Variants in MTG1 observed in about 807,000 individuals in gnomAD.
MTG1 encodes the protein mitochondrial ribosome associated GTPase 1, also known as mitochondrial ribosome-associated GTPase 1.
MTG1 carries 30 observed loss-of-function variants against 39.5 expected under a neutral mutation model. That is an observed-to-expected ratio of 0.76 (90% confidence interval 0.57 to 1.03). MTG1 has a LOEUF of 1.03. MTG1 is among the 50% of genes least tolerant of loss of function. The pLI, the probability that MTG1 is intolerant of heterozygous loss-of-function variation, is 0.00. For missense variants in MTG1, 513 were observed against 447.4 expected, an observed-to-expected ratio of 1.15 and a Z score of -1.32; for synonymous variants, 217 against 179.0, an observed-to-expected ratio of 1.21 and a Z score of -1.69.
At position 133,420,249 on chromosome 10, in the gene MTG1, G is replaced by C. The variant is rs1054308460; in HGVS notation, c.*84G>C. On this transcript the variant is annotated 3_prime_UTR_variant, in exon 11 of 11. Coordinates refer to ENST00000317502, the MANE Select transcript of MTG1 (RefSeq NM_138384.4). ...GGTTGAGGCTCAAGACAGCTCACCCGGTCCAGAAGCTCCATGCTGGTCACT... is the reference window on the plus strand; with the variant it reads ...GGTTGAGGCTCAAGACAGCTCACCCCGTCCAGAAGCTCCATGCTGGTCACT... 7.0e-5 allele frequency: 103 copies of C among 1,466,126 alleles called. No individual in the cohort carries two copies. Among genetic ancestry groups the C allele is most frequent in the Non-Finnish European group, 8.9e-5 (98 of 1,100,036 alleles). 90.8% of individuals were successfully genotyped at this position (1,466,126 alleles called of 1,614,324 possible).
At chr10:133,398,713 C>T (rs1380772373) in intron 4 of MTG1, among the ~76,000 whole-genome samples, 198 bp downstream of exon 4, 3 of 152,176 alleles carry the variant, frequency 2.0e-5, no homozygotes, top group East Asian at 1.9e-4. Context: ...AGGCTGTAGA[C>T]GCATTCCAGG....
chr10:133,402,057 T>G lies in MTG1; in HGVS notation c.574-92T>G. ...GGTCCCTGAGGCCTTCCTCGGAGCA[T>G]TGGGTGCCAGGGGCTGCCCAGGCTT... On this transcript the variant is annotated intron_variant, in intron 7 of 10. Transcript: ENST00000317502. The surrounding 1 kb of genome is among the most constrained non-coding windows in gnomAD (Gnocchi z 4.7). 1 of 1,500,498 alleles carries G rather than the reference T, an allele frequency of 6.7e-7. No individual in the cohort carries two copies. The highest frequency in any genetic ancestry group is 9.2e-7 in the Non-Finnish European group (1 of 1,084,860). 92.9% of individuals were successfully genotyped at this position (1,500,498 alleles called of 1,614,324 possible). A position where few individuals can be genotyped will look rare whatever the true frequency, so the allele number is the denominator to read the frequency against.
At chr10:133,415,645 C>T (rs933079898) in intron 9 of MTG1, among the ~76,000 whole-genome samples, 10 of 152,240 alleles carry the variant, frequency 6.6e-5, no homozygotes, top group Non-Finnish European at 1.0e-4. Context: ...TTTTCTCTCT[C>T]AGTGCTTTTG....
At position 133,413,314 on chromosome 10, in the gene MTG1, A is replaced by G. The variant is rs540061667; in HGVS notation, c.753-6166A>G. On this transcript the variant is annotated intron_variant, in intron 9 of 10. Coordinates refer to ENST00000317502, the MANE Select transcript of MTG1 (RefSeq NM_138384.4). ...TTTTTAGTAGAGATGGGGTTTCACC[A>G]TGTTGGCCAGGCTGGTCTTGAACTC... Among the ~76,000 whole-genome samples, 323 of 152,248 alleles carry G rather than the reference A, an allele frequency of 2.1e-3. 3 individuals carry two copies. The highest frequency in any genetic ancestry group is 3.9e-3 in the South Asian group (19 of 4,826).
chr10:133,400,519 C>G (rs1021666375), intron 6 of MTG1, among the ~76,000 whole-genome samples: 1 of 152,194 alleles, frequency 6.6e-6, no homozygotes, highest in Non-Finnish European at 1.5e-5. Context: ...ATTAACAAAC[C>G]CATTCATGAT....
At chr10:133,419,214 C>A (rs1430029340) in intron 9 of MTG1, among the ~76,000 whole-genome samples, 1 of 152,214 alleles carries the variant, frequency 6.6e-6, no homozygotes, top group Non-Finnish European at 1.5e-5. Flanking sequence ...GGCAAGGGCT[C>A]CGGTGGTGGG....
At position 133,399,186 on chromosome 10, in the gene MTG1, C is replaced by T. The variant is rs1279762334; in HGVS notation, c.380C>T (p.Thr127Ile). 6.2e-7 allele frequency: 1 copy of T among 1,614,022 alleles called. No individual in the cohort carries two copies. The highest frequency in any genetic ancestry group is 8.5e-7 in the Non-Finnish European group (1 of 1,180,034). ...ENVKQIIPMV[T>I]ELIGRSHRYH... is the part of the protein sequence containing the mutation. ...TTGTTGCAGATCATCCCGATGGTCA[C>T]TGAACTGATTGGGAGAAGCCACCGC... Residue 127 changes from threonine to isoleucine, a missense_variant, in exon 5 of 11, where the codon ACT (threonine) becomes ATT (isoleucine). Coordinates refer to ENST00000317502, the MANE Select transcript of MTG1 (RefSeq NM_138384.4).
intron 9 of MTG1, among the ~76,000 whole-genome samples, chr10:133,405,081 G>A (rs1229125412): frequency 1.3e-5 from 2 of 152,188 alleles, no homozygotes; most frequent in Non-Finnish European, 2.9e-5. Context: ...CCGGGTGGCA[G>A]ATTCCCCTGA....
At position 133,394,203 on chromosome 10, in the gene MTG1, TC is replaced by T. The variant is rs781671819; in HGVS notation, c.-16del. 1 of 1,507,576 alleles carries T rather than the reference TC, an allele frequency of 6.6e-7. No individual in the cohort carries two copies. 93.4% of individuals were successfully genotyped at this position (1,507,576 alleles called of 1,614,324 possible). A position where few individuals can be genotyped will look rare whatever the true frequency, so the allele number is the denominator to read the frequency against. ...AGAGGAGGTCAGCTGCGGGAGCGTT[TC>T]CGGGGACGGTGCCGCCATGAGATTG... On this transcript the variant is annotated 5_prime_UTR_variant, in exon 1 of 11. Transcript: ENST00000317502.
At position 133,402,293 on chromosome 10, in the gene MTG1, C is replaced by T. The variant is rs1384704693; in HGVS notation, c.670+48C>T. 1.2e-6 allele frequency: 2 copies of T among 1,607,796 alleles called. No individual in the cohort carries two copies. Among genetic ancestry groups the T allele is most frequent in the East Asian group, 2.2e-5 (1 of 44,856 alleles). On this transcript the variant is annotated intron_variant, in intron 8 of 10. Transcript: ENST00000317502. The surrounding 1 kb of genome is among the most constrained non-coding windows in gnomAD (Gnocchi z 4.7). Reference sequence around the variant, plus strand: ...GCTGGGGCTGGGACCGGGGCCCCTGCCACCCCACCTTTAGGGCTGGCTTTG... The same window carrying T: ...GCTGGGGCTGGGACCGGGGCCCCTGTCACCCCACCTTTAGGGCTGGCTTTG...
Position 133,402,048 on chromosome 10 carries a change from C to T in MTG1, c.574-101C>T, listed in dbSNP as rs1293450857. On this transcript the variant is annotated intron_variant, in intron 7 of 10. Transcript: ENST00000317502. The surrounding 1 kb of genome is among the most constrained non-coding windows in gnomAD (Gnocchi z 4.7). ...ATGGGGTTGGGTCCCTGAGGCCTTC[C>T]TCGGAGCATTGGGTGCCAGGGGCTG... 3 of 1,448,716 alleles carry T rather than the reference C, an allele frequency of 2.1e-6. No individual in the cohort carries two copies. The highest frequency in any genetic ancestry group is 3.4e-5 in the Admixed American group (2 of 58,842). The allele number at this position is 1,448,716 out of a possible 1,614,324, so 89.7% of individuals were successfully genotyped here.
intron 7 of MTG1, 169 bp downstream of exon 7, chr10:133,401,759 G>A: frequency 1.1e-5 from 8 of 730,012 alleles, no homozygotes; most frequent in Non-Finnish European, 1.9e-5. Context: ...TTATTCCACA[G>A]TCGTCATAGT....
chr10:133,396,056 A>G, intron 2 of MTG1, 107 bp from the exon 3 acceptor site: 3 of 1,059,970 alleles, frequency 2.8e-6, no homozygotes, highest in Non-Finnish European at 4.4e-6. Flanking sequence ...TTTCTCCTGT[A>G]CTTGAGGAAT....
At chr10:133,409,479 C>T (rs994130691) in intron 9 of MTG1, among the ~76,000 whole-genome samples, 6 of 152,034 alleles carry the variant, frequency 3.9e-5, no homozygotes, top group Non-Finnish European at 5.9e-5. Flanking sequence ...TTCCATGTGC[C>T]GATGAGAAGA....
intron 9 of MTG1, among the ~76,000 whole-genome samples, chr10:133,405,914 G>A (rs766149931): frequency 3.3e-5 from 5 of 152,200 alleles, no homozygotes; most frequent in Admixed American, 6.5e-5. Flanking sequence ...CCTCCATACT[G>A]TTTTCCATAG....
rs1268661492 is a variant in MTG1 at position 133,420,858 on chromosome 10, A to AC, written c.*697dup. The AC allele has an allele frequency of 6.6e-6, 1 of 152,260 alleles. No individual in the cohort carries two copies. The highest frequency in any genetic ancestry group is 1.5e-5 in the Non-Finnish European group (1 of 68,118). The allele number at this position is 152,260 out of a possible 1,614,324, so 9.4% of individuals were successfully genotyped here. On this transcript the variant is annotated 3_prime_UTR_variant, in exon 11 of 11. Transcript: ENST00000317502. ...AGGCCGCCCGGCATGGGCAGTAGAGACCCCTGGCCTCTGAGCACCTTCTAG... is the reference window on the plus strand; with the variant it reads ...AGGCCGCCCGGCATGGGCAGTAGAGACCCCCTGGCCTCTGAGCACCTTCTAG...
At chr10:133,406,109 A>G (rs1182740862) in intron 9 of MTG1, among the ~76,000 whole-genome samples, 1 of 152,112 alleles carries the variant, frequency 6.6e-6, no homozygotes, top group Non-Finnish European at 1.5e-5. Flanking sequence ...ATTTTTTCAT[A>G]CACTTGTTGG....
chr10:133,413,908 GTTTTC>G (rs1310061710), intron 9 of MTG1, among the ~76,000 whole-genome samples: 2 of 145,952 alleles, frequency 1.4e-5, no homozygotes, highest in African/African-American at 2.5e-5. Context: ...ATTTCTTTGT[GTTTTC>G]TTTTCTTTTT....
chr10:133,394,603 C>T (rs902164867), intron 1 of MTG1: 21 of 1,300,912 alleles, frequency 1.6e-5, no homozygotes, highest in East Asian at 1.3e-4. Context: ...TACCTCTGGC[C>T]CGCCGCCCCT....
Sources: gnomAD v4.1 joint callset for allele counts (sites outside exome capture counted in the v4.1 genomes callset) on GRCh38, gnomAD v4.1.1 for gene constraint, Gnocchi (gnomAD v3.1) non-coding constraint, MANE v1.5 for transcripts, NCBI Gene and HGNC (gene_info 2026-07-23, HGNC 2026-07-21) for gene names.